The following HS6ST3 variants were observed in gnomAD, a reference collection of about 807,000 sequenced individuals.
The protein encoded by HS6ST3 is heparan-sulfate 6-O-sulfotransferase 3.
A neutral mutation model predicts 36.7 loss-of-function variants in HS6ST3; 12 were observed. That is an observed-to-expected ratio of 0.33 (90% CI 0.21 to 0.53). HS6ST3 has a LOEUF of 0.53. Ranked by LOEUF, HS6ST3 falls within the 20% of genes least tolerant of loss-of-function variation. The probability of loss-of-function intolerance (pLI) is 0.95; values close to 1 mark genes in which losing one functional copy is unlikely to be tolerated. For synonymous variants in HS6ST3, 240 were observed against 257.5 expected, an observed-to-expected ratio of 0.93 and a Z score of 0.65; for missense variants, 584 against 640.9, an observed-to-expected ratio of 0.91 and a Z score of 0.96.
At chr13:96,704,182 A>C (rs1875361239) in intron 1 of HS6ST3, among the ~76,000 whole-genome samples, 2 of 152,196 alleles carry the variant, frequency 1.3e-5, no homozygotes, top group Admixed American at 6.5e-5. Flanking sequence ...AATAGAAATC[A>C]ATGGGTCATA....
At chr13:96,146,424 A>G (rs1225098982) in intron 1 of HS6ST3, among the ~76,000 whole-genome samples, 2 of 152,182 alleles carry the variant, frequency 1.3e-5, no homozygotes, top group Non-Finnish European at 2.9e-5. Context: ...GCAATTGTGA[A>G]TGGGAGTGCA....
chr13:96,188,985 G>A (rs61968033), intron 1 of HS6ST3, among the ~76,000 whole-genome samples: 3,006 of 152,070 alleles, frequency 0.02, 44 homozygotes, highest in Middle Eastern at 0.027. Context: ...GCACGAATAT[G>A]GTATTAAATC....
intron 1 of HS6ST3, among the ~76,000 whole-genome samples, chr13:96,612,862 C>G (rs1371949728): frequency 6.6e-6 from 1 of 152,182 alleles, no homozygotes; most frequent in Non-Finnish European, 1.5e-5. Context: ...AACCTGGCTT[C>G]CTTCCACCCC....
At chr13:96,583,479 C>T (rs976006685) in intron 1 of HS6ST3, among the ~76,000 whole-genome samples, 9 of 151,646 alleles carry the variant, frequency 5.9e-5, no homozygotes, top group African/African-American at 1.5e-4. Flanking sequence ...CCCAAAGTGC[C>T]GCGATTACAG....
intron 1 of HS6ST3, among the ~76,000 whole-genome samples, chr13:96,144,123 A>G (rs2054044962): frequency 6.6e-6 from 1 of 152,148 alleles, no homozygotes; most frequent in Admixed American, 6.6e-5. Flanking sequence ...GGCAAGAGCT[A>G]TTTCTTCATC....
At chr13:96,138,728 C>T (rs116735475) in intron 1 of HS6ST3, among the ~76,000 whole-genome samples, 3,052 of 151,948 alleles carry the variant, frequency 0.02, 88 homozygotes, top group African/African-American at 0.068. Flanking sequence ...TATGGCCTGT[C>T]TACATTGTGT....
intron 1 of HS6ST3, among the ~76,000 whole-genome samples, chr13:96,623,810 A>G (rs1436700076): frequency 6.6e-6 from 1 of 152,224 alleles, no homozygotes; most frequent in East Asian, 1.9e-4. Flanking sequence ...ACTGATGCCA[A>G]GAAAGCAGGG....
intron 1 of HS6ST3, among the ~76,000 whole-genome samples, chr13:96,638,578 G>A (rs2056557815): frequency 1.3e-5 from 2 of 151,856 alleles, no homozygotes; most frequent in African/African-American, 4.8e-5. Context: ...TTGTGACAGC[G>A]AGTTCTCATG....
intron 1 of HS6ST3, among the ~76,000 whole-genome samples, chr13:96,679,173 C>T (rs2056709603): frequency 6.7e-6 from 1 of 149,994 alleles, no homozygotes; most frequent in Non-Finnish European, 1.5e-5. Flanking sequence ...TTCCACAAGG[C>T]AATATAATCT....
chr13:96,537,280 G>A (rs146315935), intron 1 of HS6ST3, among the ~76,000 whole-genome samples: 2 of 152,254 alleles, frequency 1.3e-5, no homozygotes, highest in African/African-American at 2.4e-5. Flanking sequence ...CACGAGAACA[G>A]TATGGGGGAA....
chr13:96,511,862 T>G (rs1452191728), intron 1 of HS6ST3, among the ~76,000 whole-genome samples: 1 of 152,148 alleles, frequency 6.6e-6, no homozygotes, highest in African/African-American at 2.4e-5. Flanking sequence ...TTCCCACACT[T>G]TGGTTTGAAA....
intron 1 of HS6ST3, among the ~76,000 whole-genome samples, chr13:96,256,392 C>A (rs1241971216): frequency 6.6e-6 from 1 of 152,196 alleles, no homozygotes; most frequent in African/African-American, 2.4e-5. Flanking sequence ...GCTACAGTAA[C>A]CTTCAAGCCT....
chr13:96,729,526 G>A (rs1036624697), intron 1 of HS6ST3, among the ~76,000 whole-genome samples: 1 of 152,074 alleles, frequency 6.6e-6, no homozygotes, highest in African/African-American at 2.4e-5. Context: ...GCCCGATCGT[G>A]GCTCACTGCA....
At chr13:96,169,217 G>T (rs2054175434) in intron 1 of HS6ST3, among the ~76,000 whole-genome samples, 1 of 151,660 alleles carries the variant, frequency 6.6e-6, no homozygotes, top group African/African-American at 2.4e-5. Flanking sequence ...GAGGGTCAGA[G>T]AAATGGGATT....
intron 1 of HS6ST3, among the ~76,000 whole-genome samples, chr13:96,771,903 G>A (rs1166340372): frequency 6.6e-6 from 1 of 152,226 alleles, no homozygotes; most frequent in Non-Finnish European, 1.5e-5. Context: ...TAACAAGGAT[G>A]AGCAGGGATG....
At chr13:96,615,924 T>C (rs1428389338) in intron 1 of HS6ST3, among the ~76,000 whole-genome samples, 1 of 152,248 alleles carries the variant, frequency 6.6e-6, no homozygotes, top group Non-Finnish European at 1.5e-5. Flanking sequence ...TTTTTTATTT[T>C]TCTTAATTAT....
chr13:96,780,981 C>G (rs954598666), intron 1 of HS6ST3, among the ~76,000 whole-genome samples: 1 of 151,670 alleles, frequency 6.6e-6, no homozygotes, highest in Admixed American at 6.6e-5. Flanking sequence ...TATACTTTAC[C>G]TTACTGCATA....
chr13:96,209,062 A>G (rs1229545243), intron 1 of HS6ST3, among the ~76,000 whole-genome samples: 1 of 152,214 alleles, frequency 6.6e-6, no homozygotes, highest in Admixed American at 6.5e-5. Flanking sequence ...GGCTTGGGAT[A>G]CAGAACTACC....
intron 1 of HS6ST3, among the ~76,000 whole-genome samples, chr13:96,789,052 G>GT (rs1292754886): frequency 5.3e-5 from 8 of 150,938 alleles, no homozygotes; most frequent in Admixed American, 4.6e-4. Flanking sequence ...ATTTTTATTT[G>GT]TTTTTTTCTT....
Sources: allele counts gnomAD v4.1 joint callset (sites outside exome capture counted in the v4.1 genomes callset), GRCh38; gene constraint gnomAD v4.1.1; transcripts MANE v1.5; gene names NCBI Gene and HGNC (gene_info 2026-07-23, HGNC 2026-07-21).